The following CISD1 variants were observed in gnomAD, a reference collection of about 807,000 sequenced individuals.
CISD1 encodes CDGSH iron sulfur domain 1.
A neutral mutation model predicts 12.0 loss-of-function variants in CISD1; 8 were observed. The observed-to-expected ratio is 0.67, with a 90% CI of 0.39 to 1.20. The LOEUF is 1.20. Among genes scored for constraint, CISD1 ranks in the 50% most tolerant of loss-of-function variants. The pLI is 0.01. For synonymous variants in CISD1, 38 were observed against 42.2 expected (o/e 0.90, Z 0.39); for missense variants, 107 against 132.7 (o/e 0.81, Z 0.95).
intron 2 of CISD1, among the ~76,000 whole-genome samples, chr10:58,286,986 G>A (rs2132286115): frequency 6.6e-6 from 1 of 152,266 alleles, no homozygotes; most frequent in East Asian, 1.9e-4. Flanking sequence ...AGGCTGGAGT[G>A]CAGTGGCACA....
chr10:58,282,217 C>G (rs1043912770), intron 2 of CISD1, among the ~76,000 whole-genome samples: 1 of 152,176 alleles, frequency 6.6e-6, no homozygotes. Context: ...CCGCCTTGGC[C>G]TCCCAGAGTG....
intron 2 of CISD1, among the ~76,000 whole-genome samples, chr10:58,278,504 C>G (rs574981515): frequency 6.6e-6 from 1 of 152,176 alleles, no homozygotes; most frequent in East Asian, 1.9e-4. Context: ...GATTGCATCA[C>G]ACTGCGTTCC....
intron 1 of CISD1, chr10:58,276,346 AAATT>A (rs1327553586): frequency 6.6e-6 from 1 of 151,942 alleles, no homozygotes; most frequent in African/African-American, 2.4e-5. Flanking sequence ...ATTTTATAGA[AAATT>A]AAAATATATT....
intron 1 of CISD1, chr10:58,275,995 G>C (rs532183728): frequency 1.3e-5 from 2 of 152,208 alleles, no homozygotes; most frequent in South Asian, 2.1e-4. Flanking sequence ...TTTTGTACTT[G>C]TCTGTCTAGG....
At chr10:58,273,091 T>C (rs760091439) in intron 1 of CISD1, among the ~76,000 whole-genome samples, 35 of 152,074 alleles carry the variant, frequency 2.3e-4, no homozygotes, top group Admixed American at 7.9e-4. Context: ...TGAAGTTTTT[T>C]GTTTGTTTGT....
chr10:58,275,241 C>T (rs886327038), intron 1 of CISD1, among the ~76,000 whole-genome samples: 1 of 152,178 alleles, frequency 6.6e-6, no homozygotes, highest in Non-Finnish European at 1.5e-5. Context: ...GTGATAGGTA[C>T]ATTAGCTATT....
chr10:58,278,321 C>G (rs1457640741), intron 2 of CISD1, among the ~76,000 whole-genome samples: 1 of 152,020 alleles, frequency 6.6e-6, no homozygotes, highest in Non-Finnish European at 1.5e-5. Flanking sequence ...ATCACTTCAG[C>G]CCATTAGTTC....
chr10:58,271,924 G>A (rs1839254546), intron 1 of CISD1, among the ~76,000 whole-genome samples: 1 of 152,054 alleles, frequency 6.6e-6, no homozygotes, highest in Non-Finnish European at 1.5e-5. Context: ...GTACTAAGTG[G>A]CCTTCACTGC....
intron 2 of CISD1, among the ~76,000 whole-genome samples, chr10:58,278,027 T>C (rs987572342): frequency 6.6e-6 from 1 of 152,238 alleles, no homozygotes; most frequent in African/African-American, 2.4e-5. Context: ...TAAAATCTTA[T>C]TTTCTTATAT....
intron 1 of CISD1, among the ~76,000 whole-genome samples, chr10:58,269,695 C>A (rs1222739248): frequency 6.6e-6 from 1 of 152,200 alleles, no homozygotes; most frequent in African/African-American, 2.4e-5. Flanking sequence ...TTTCAGTCAG[C>A]GTCGGGCCAC....
intron 2 of CISD1, among the ~76,000 whole-genome samples, chr10:58,279,787 A>G (rs78073756): frequency 6.6e-6 from 1 of 152,336 alleles, no homozygotes; most frequent in African/African-American, 2.4e-5. Context: ...ACAGATGTAT[A>G]TAGTACATGC....
intron 2 of CISD1, among the ~76,000 whole-genome samples, chr10:58,286,204 C>CAAAA (rs755174757): frequency 1.2e-5 from 1 of 85,938 alleles, no homozygotes; most frequent in Admixed American, 1.3e-4. Context: ...GACTCCGTTT[C>CAAAA]AAAAAAAAAA....
intron 1 of CISD1, among the ~76,000 whole-genome samples, chr10:58,271,041 C>CTTTTTTTTTTTTTTT (rs752640135): frequency 1.8e-5 from 2 of 112,646 alleles, no homozygotes; most frequent in African/African-American, 4.7e-5. Flanking sequence ...GTTGCCATGA[C>CTTTTTTTTTTTTTTT]TATTTTTTTT....
rs141273144 is a variant in CISD1, at chr10:58,277,286, T to C, written c.201T>C (p.Asp67=). The C allele has an allele frequency of 2.5e-6, 4 of 1,608,654 alleles. No individual in the cohort carries two copies. Among genetic ancestry groups the C allele is most frequent in the Non-Finnish European group, 3.4e-6 (4 of 1,177,618 alleles). ...CTTTTGACATGGAGGATTTGGGAGA[T>C]AAAGCTGTGTACTGCCGTTGTTGGA... ...VHAFDMEDLG[D]KAVYCRCWRS... Residue 67 remains aspartate (D), a synonymous_variant, in exon 2 of 3, where the codon GAT becomes GAC. Coordinates refer to ENST00000333926, the MANE Select transcript of CISD1 (RefSeq NM_018464.5).
chr10:58,275,991 A>G (rs564868820), intron 1 of CISD1: 2 of 152,236 alleles, frequency 1.3e-5, no homozygotes, highest in South Asian at 4.1e-4. Flanking sequence ...GTTTTTTTGT[A>G]CTTGTCTGTC....
chr10:58,274,440 C>CTTTTTTTTT (rs34405014), intron 1 of CISD1, among the ~76,000 whole-genome samples: 1 of 79,136 alleles, frequency 1.3e-5, no homozygotes, highest in Non-Finnish European at 2.3e-5. Context: ...AAAATAACAA[C>CTTTTTTTTT]TTTTTTTTTT....
chr10:58,269,353 C>A, intron 1 of CISD1, 49 bp downstream of exon 1: 2 of 1,563,488 alleles, frequency 1.3e-6, no homozygotes, highest in Admixed American at 1.7e-5. Flanking sequence ...TCAGCGGTTG[C>A]CGCGCCCGCA....
At chr10:58,270,639 T>C (rs1839235445) in intron 1 of CISD1, among the ~76,000 whole-genome samples, 2 of 152,212 alleles carry the variant, frequency 1.3e-5, no homozygotes, top group African/African-American at 4.8e-5. Context: ...TTGCATATTA[T>C]TGAAATGTGA....
intron 1 of CISD1, chr10:58,273,496 C>T (rs1187868524): frequency 1.3e-5 from 2 of 149,804 alleles, no homozygotes; most frequent in East Asian, 3.9e-4. Context: ...TAAAAGAAGC[C>T]GAGAGAGATT....
Sources: gnomAD v4.1 joint callset for allele counts (sites outside exome capture counted in the v4.1 genomes callset) on GRCh38, gnomAD v4.1.1 for gene constraint, MANE v1.5 for transcripts, NCBI Gene and HGNC (gene_info 2026-07-23, HGNC 2026-07-21) for gene names.